Variants in NUFIP2 observed in about 807,000 individuals in gnomAD.
The protein encoded by NUFIP2 is FMR1-interacting protein NUFIP2.
In NUFIP2, 6 loss-of-function variants were observed where a neutral mutation model predicts 56.9. The ratio of observed to expected loss-of-function variants is 0.11; its 90% CI spans 0.06 to 0.21. The LOEUF is 0.21. Ranked by LOEUF, NUFIP2 falls within the 10% of genes least tolerant of loss-of-function variation. The pLI is 1.00. For missense variants in NUFIP2, 828 were observed against 826.8 expected (o/e 1.00, Z -0.02); for synonymous variants, 321 against 298.2 (o/e 1.08, Z -0.79).
intron 1 of NUFIP2, among the ~76,000 whole-genome samples, chr17:29,292,731 G>A (rs2069223923): frequency 6.7e-6 from 1 of 149,698 alleles, no homozygotes; most frequent in South Asian, 2.1e-4. Context: ...ACCCGGGAGC[G>A]GGAAACGCGG....
Position 29,284,723 on chromosome 17 carries a change from A to AG in NUFIP2, c.2002+1268_2002+1269insC, listed in dbSNP as rs1229603076. 7.6e-4 allele frequency among the ~76,000 whole-genome samples: 115 copies of AG among 150,772 alleles called. 1 individual carries two copies. Among genetic ancestry groups the AG allele is most frequent in the Non-Finnish European group, 1.3e-3 (86 of 67,684 alleles). On this transcript the variant is annotated intron_variant, in intron 2 of 3. Transcript: ENST00000225388. ...CTCCATCTCAAAAAAAAAAAAAAAA[A>AG]AAAAGAAAAAAAAGAAAAGAAAGTT...
In NUFIP2 at chr17:29,257,894, C is replaced by A. The variant is rs2068979720; in HGVS notation, c.*6645G>T. The A allele has an allele frequency of 6.6e-6, 1 of 152,010 alleles. No individual in the cohort carries two copies. 9.4% of individuals were successfully genotyped at this position (152,010 alleles called of 1,614,324 possible). A position where few individuals can be genotyped will look rare whatever the true frequency, so the allele number is the denominator to read the frequency against. On this transcript the variant is annotated 3_prime_UTR_variant, in exon 4 of 4. Transcript: ENST00000225388. ...CAGACTAAGAACAAAAAAGATACAA[C>A]AAAAAAAGTAAATCACTTCCCCAGC...
intron 2 of NUFIP2, among the ~76,000 whole-genome samples, chr17:29,271,792 C>T (rs1395629308): frequency 4.0e-5 from 6 of 151,778 alleles, no homozygotes; most frequent in South Asian, 4.2e-4. Context: ...ATGACATGGC[C>T]GGGCGCGGTG....
chr17:29,292,800 C>G (rs1478080728), intron 1 of NUFIP2, among the ~76,000 whole-genome samples: 1 of 148,718 alleles, frequency 6.7e-6, no homozygotes, highest in Non-Finnish European at 1.5e-5. Context: ...CCCTCCCCCA[C>G]CCCAACCGCC....
chr17:29,294,107 T>A lies in NUFIP2; in HGVS notation c.-48A>T, dbSNP rs1318634894. On this transcript the variant is annotated 5_prime_UTR_variant, in exon 1 of 4. Transcript: ENST00000225388. The stretch of plus-strand genomic sequence containing the variant: ...GCTGAGGCTGCGGGCTGCTGCACCG[T>A]CAGGATCTGAGACTGCTTCTCAGGG... 1 of 1,552,636 alleles carries A rather than the reference T, an allele frequency of 6.4e-7. No individual in the cohort carries two copies. Among genetic ancestry groups the A allele is most frequent in the Non-Finnish European group, 8.7e-7 (1 of 1,148,834 alleles).
chr17:29,275,196 AT>A (rs986985186), intron 2 of NUFIP2, among the ~76,000 whole-genome samples: 3 of 151,400 alleles, frequency 2.0e-5, no homozygotes, highest in Non-Finnish European at 4.4e-5. Context: ...AATTTTTTGT[AT>A]TTTTTTTGTA....
intron 2 of NUFIP2, among the ~76,000 whole-genome samples, chr17:29,273,721 T>G (rs1256739964): frequency 2.0e-5 from 3 of 152,222 alleles, no homozygotes; most frequent in African/African-American, 7.2e-5. Context: ...GCTCTTAAGA[T>G]ATACCAAGTA....
intron 3 of NUFIP2, among the ~76,000 whole-genome samples, chr17:29,265,182 T>C (rs1017817489): frequency 6.6e-6 from 1 of 152,214 alleles, no homozygotes; most frequent in Non-Finnish European, 1.5e-5. Flanking sequence ...ATTCAAAACA[T>C]AAAACTGTTA....
At chr17:29,291,803 C>T (rs1009694377) in intron 1 of NUFIP2, among the ~76,000 whole-genome samples, 2 of 152,330 alleles carry the variant, frequency 1.3e-5, no homozygotes. Flanking sequence ...TGTTCCAAAT[C>T]TTTAGGATTA....
chr17:29,286,611 T>A lies in NUFIP2; in HGVS notation c.1383A>T (p.Ser461=), dbSNP rs754973190. ...TAGTCTTAATTTGTTCAACAGCTGC[T>A]GAAGTTAGACTCATGTCCTGGAGAA... ...DSVLQDMSLT[S]AAVEQIKTSL... is the part of the protein sequence containing the mutation. The change falls in exon 2 of 4, where the codon TCA becomes TCT. Residue 461 remains serine (S), a synonymous_variant. Transcript: ENST00000225388. The A allele has an allele frequency of 1.9e-6, 3 of 1,614,098 alleles. No individual in the cohort carries two copies. The highest frequency in any genetic ancestry group is 2.5e-6 in the Non-Finnish European group (3 of 1,180,054).
At chr17:29,271,527 A>C (rs1241002408) in intron 2 of NUFIP2, among the ~76,000 whole-genome samples, 3 of 150,558 alleles carry the variant, frequency 2.0e-5, no homozygotes, top group African/African-American at 7.4e-5. Context: ...AAAGAGCAAG[A>C]CTCCGTCTCA....
At position 29,286,817 on chromosome 17, in the gene NUFIP2, G is replaced by T. The variant is rs1265318108; in HGVS notation, c.1177C>A (p.Gln393Lys). Residue 393 changes from glutamine to lysine, a missense_variant, in exon 2 of 4, where the codon CAA (glutamine) becomes AAA (lysine). By Grantham distance (53) the Gln-to-Lys change is moderately conservative (BLOSUM62 1). This residue lies in a region of NUFIP2 where 404 missense variants were observed against 380.3 expected (regional missense o/e 1.06). Coordinates refer to ENST00000225388, the MANE Select transcript of NUFIP2 (RefSeq NM_020772.3). ...ACCTGGGATAAGCGACTTGATGATT[G>T]GGTCTGAGTTTCCCCGGTAGATGAT... ...SSSSTGETQT[Q>K]SSSRLSQVPM... 4.3e-6 allele frequency: 7 copies of T among 1,614,078 alleles called. No homozygotes were observed. The Admixed American group carries it at 1.2e-4, about 27-fold the overall frequency.
At position 29,294,037 on chromosome 17, in the gene NUFIP2, G is replaced by A; in HGVS notation, c.23C>T (p.Pro8Leu). 2 of 1,604,884 alleles carry A rather than the reference G, an allele frequency of 1.2e-6. No individual in the cohort carries two copies. The highest frequency in any genetic ancestry group is 1.7e-6 in the Non-Finnish European group (2 of 1,173,972). MEEKPGQ[P>L]QPQHHHSHHH... ...GTGGCTGTGATGGTGCTGAGGCTGT[G>A]GCTGGCCGGGCTTCTCCTCCATTGA... Residue 8 changes from proline (P) to leucine (L), a missense_variant, in exon 1 of 4, where the codon CCA becomes CTA. This residue lies in a region of NUFIP2 where 415 missense variants were observed against 408.7 expected (regional missense o/e 1.02). Coordinates refer to ENST00000225388, the MANE Select transcript of NUFIP2 (RefSeq NM_020772.3).
Position 29,258,221 on chromosome 17 carries a change from TC to T in NUFIP2, c.*6317del, listed in dbSNP as rs1260716123. ...GCTTTGGCCCACACATCTTTCTCAT[TC>T]CTCCACCTCATTTGGTGTTTCCCAC... On this transcript the variant is annotated 3_prime_UTR_variant, in exon 4 of 4. Coordinates refer to ENST00000225388, the MANE Select transcript of NUFIP2 (RefSeq NM_020772.3). The T allele has an allele frequency of 6.6e-6, 1 of 152,202 alleles. No individual in the cohort carries two copies. Among genetic ancestry groups the T allele is most frequent in the Non-Finnish European group, 1.5e-5 (1 of 68,030 alleles). The allele number at this position is 152,202 out of a possible 1,614,324, so 9.4% of individuals were successfully genotyped here.
intron 3 of NUFIP2, among the ~76,000 whole-genome samples, chr17:29,267,150 C>T (rs930993674): frequency 6.6e-5 from 10 of 151,746 alleles, no homozygotes; most frequent in East Asian, 5.8e-4. Context: ...GTGATCCACC[C>T]GCCTCAGCCT....
At chr17:29,272,099 G>A (rs1311723834) in intron 2 of NUFIP2, among the ~76,000 whole-genome samples, 1 of 142,846 alleles carries the variant, frequency 7.0e-6, no homozygotes, top group Non-Finnish European at 1.5e-5. Context: ...GGGAGGGGAG[G>A]GGAGGGGAGA....
intron 2 of NUFIP2, among the ~76,000 whole-genome samples, chr17:29,283,640 C>G (rs1183143325): frequency 6.6e-6 from 1 of 152,218 alleles, no homozygotes; most frequent in Non-Finnish European, 1.5e-5. Context: ...CCCTCTCAGG[C>G]TCACACAATG....
chr17:29,293,197 G>C (rs1357857323), intron 1 of NUFIP2, among the ~76,000 whole-genome samples: 1 of 151,650 alleles, frequency 6.6e-6, no homozygotes, highest in Non-Finnish European at 1.5e-5. Context: ...AGGGCGTTTA[G>C]TGGTGGAAAT....
At chr17:29,273,088 G>A (rs2153011326) in intron 2 of NUFIP2, among the ~76,000 whole-genome samples, 1 of 151,658 alleles carries the variant, frequency 6.6e-6, no homozygotes, top group East Asian at 1.9e-4. Context: ...CACCCAGGCT[G>A]GAGTGCAATG....
Sources: allele counts gnomAD v4.1 joint callset (sites outside exome capture counted in the v4.1 genomes callset), GRCh38; gene constraint gnomAD v4.1.1; regional missense constraint gnomAD v4.1.1; transcripts MANE v1.5; gene names NCBI Gene and HGNC (gene_info 2026-07-23, HGNC 2026-07-21).